Variants in SLC9C1 observed in about 807,000 individuals in gnomAD.
SLC9C1 encodes the protein solute carrier family 9 member C1.
Under a neutral mutation model 140.9 loss-of-function variants are expected in SLC9C1, and 97 were observed. That is an observed-to-expected ratio of 0.69 (90% CI 0.58 to 0.82). SLC9C1 has a LOEUF of 0.82. Ranked by LOEUF, SLC9C1 falls within the 40% of genes least tolerant of loss-of-function variation. The pLI is 0.00. For missense variants in SLC9C1, 1,340 were observed against 1,389.3 expected, an observed-to-expected ratio of 0.96 and a Z score of 0.56; for synonymous variants, 440 against 442.6, an observed-to-expected ratio of 0.99 and a Z score of 0.07.
intron 2 of SLC9C1, among the ~76,000 whole-genome samples, chr3:112,283,387 G>T (rs2080411432): frequency 1.3e-5 from 2 of 151,718 alleles, no homozygotes; most frequent in Admixed American, 6.6e-5. Flanking sequence ...GGAGGCTGAG[G>T]TGGGAGGATC....
In SLC9C1 at chr3:112,266,307, A is replaced by G. The variant is rs1254027284; in HGVS notation, c.809T>C (p.Leu270Pro). The change falls in exon 8 of 29, where the codon CTG becomes CCG. Residue 270 changes from leucine to proline, a missense_variant. Physicochemically the swap from Leu to Pro is moderately conservative, Grantham distance 98. Coordinates refer to ENST00000305815, the MANE Select transcript of SLC9C1 (RefSeq NM_183061.3). ...ELVGMSGIFT[L>P]AIVGLLLNST... is the part of the protein sequence containing the mutation. ...ATTTAAAAGAAGTCCCACAATGGCCAGAGTAAATATTCCTGACATTCCAAC... is the reference window on the plus strand; with the variant it reads ...ATTTAAAAGAAGTCCCACAATGGCCGGAGTAAATATTCCTGACATTCCAAC... 6 of 1,610,370 alleles carry G rather than the reference A, an allele frequency of 3.7e-6. No homozygotes were observed. Among genetic ancestry groups the G allele is most frequent in the Non-Finnish European group, 5.1e-6 (6 of 1,178,758 alleles).
At chr3:112,283,843 C>CAAAAAAAAA (rs386397631) in intron 2 of SLC9C1, among the ~76,000 whole-genome samples, 2 of 111,934 alleles carry the variant, frequency 1.8e-5, no homozygotes, top group Non-Finnish European at 3.6e-5. Flanking sequence ...AATCACTGTG[C>CAAAAAAAAA]AAAAAAAAAA....
Position 112,202,413 on chromosome 3 carries a change from G to T in SLC9C1, c.2173-14C>A, listed in dbSNP as rs760666901. The T allele has an allele frequency of 3.2e-6, 5 of 1,568,602 alleles. No individual in the cohort carries two copies. The South Asian group carries it at 6.1e-5, about 19-fold the overall frequency. On this transcript the variant is annotated splice_polypyrimidine_tract_variant and intron_variant, in intron 17 of 28. Coordinates refer to ENST00000305815, the MANE Select transcript of SLC9C1 (RefSeq NM_183061.3). Reference sequence around the variant, plus strand: ...TGGTGCTATGAGCTGAATTAAACAGGACTTCCATTAATATAAATTGCACAA... The same window carrying T: ...TGGTGCTATGAGCTGAATTAAACAGTACTTCCATTAATATAAATTGCACAA...
chr3:112,231,256 G>A, intron 13 of SLC9C1, 105 bp downstream of exon 13: 1 of 1,371,664 alleles, frequency 7.3e-7, no homozygotes. Context: ...CTTTGCCTTT[G>A]TAAACAATCT....
At chr3:112,176,794 A>G (rs1048803577) in intron 23 of SLC9C1, among the ~76,000 whole-genome samples, 1 of 152,124 alleles carries the variant, frequency 6.6e-6, no homozygotes, top group African/African-American at 2.4e-5. Flanking sequence ...ACTTGTCTCC[A>G]AACTCTGTCT....
intron 10 of SLC9C1, among the ~76,000 whole-genome samples, chr3:112,260,972 AG>A (rs1267123598): frequency 1.3e-5 from 2 of 152,050 alleles, no homozygotes; most frequent in African/African-American, 2.4e-5. Context: ...CCCAAATTCT[AG>A]CTACTTAAGT....
chr3:112,183,325 C>T (rs1287711802), intron 20 of SLC9C1, among the ~76,000 whole-genome samples: 10 of 118,262 alleles, frequency 8.5e-5, no homozygotes, highest in Non-Finnish European at 1.7e-4. Flanking sequence ...ATCAAGCTTA[C>T]GACAATGATA....
In SLC9C1 at chr3:112,179,711, A is replaced by T. The variant is rs751548080; in HGVS notation, c.2749-10T>A. 1.8e-5 allele frequency: 29 copies of T among 1,571,300 alleles called. No homozygotes were observed. Among genetic ancestry groups the T allele is most frequent in the Non-Finnish European group, 2.4e-5 (28 of 1,166,132 alleles). ...GCTTTGATTTTTCAAGCTGTTCAGG[A>T]ACAAAGAAAGAGAAAAATACATATG... On this transcript the variant is annotated splice_polypyrimidine_tract_variant and intron_variant, in intron 22 of 28. Transcript: ENST00000305815.
At chr3:112,252,467 T>A (rs2079489198) in intron 10 of SLC9C1, among the ~76,000 whole-genome samples, 1 of 151,892 alleles carries the variant, frequency 6.6e-6, no homozygotes, top group Non-Finnish European at 1.5e-5. Flanking sequence ...CTTTGGAGAG[T>A]GTGAAGCAAC....
At chr3:112,147,013 G>C (rs575094265) in intron 28 of SLC9C1, among the ~76,000 whole-genome samples, 32 of 152,132 alleles carry the variant, frequency 2.1e-4, no homozygotes, top group Non-Finnish European at 3.1e-4. Flanking sequence ...GGATGATTAA[G>C]TCTTCTTTTT....
At chr3:112,197,913 C>A (rs1036643555) in intron 20 of SLC9C1, among the ~76,000 whole-genome samples, 1 of 152,062 alleles carries the variant, frequency 6.6e-6, no homozygotes, top group Non-Finnish European at 1.5e-5. Flanking sequence ...TACTGCCTGT[C>A]GGCCTGCTCC....
rs1219083937 is a variant in SLC9C1, at chr3:112,158,948, TA to T, written c.3365-3900del. 5.9e-3 allele frequency among the ~76,000 whole-genome samples: 890 copies of T among 151,624 alleles called. 7 individuals carry two copies. The highest frequency in any genetic ancestry group is 0.019 in the African/African-American group (790 of 41,466). Reference sequence around the variant, plus strand: ...ATAAGGTTTTGTTAATTATCTTTTTTAAAAAAAAATATTTTTGCCAACTTTT... The same window carrying T: ...ATAAGGTTTTGTTAATTATCTTTTTTAAAAAAAATATTTTTGCCAACTTTT... On this transcript the variant is annotated intron_variant, in intron 26 of 28. Transcript: ENST00000305815.
At chr3:112,280,342 A>G (rs2080323388) in intron 3 of SLC9C1, among the ~76,000 whole-genome samples, 1 of 152,244 alleles carries the variant, frequency 6.6e-6, no homozygotes, top group African/African-American at 2.4e-5. Flanking sequence ...TACCAGCAGT[A>G]CAAAGTCTCC....
At chr3:112,181,747 T>C (rs1376021373) in intron 21 of SLC9C1, among the ~76,000 whole-genome samples, 1 of 151,040 alleles carries the variant, frequency 6.6e-6, no homozygotes, top group Non-Finnish European at 1.5e-5. Context: ...AGTACTCTGG[T>C]GGGGATGTTT....
rs946670327 is a variant in SLC9C1 at position 112,259,610 on chromosome 3, A to G, written c.1197+3314T>C. 7.2e-5 allele frequency among the ~76,000 whole-genome samples: 11 copies of G among 151,974 alleles called. 1 individual carries two copies. The East Asian group carries it at 1.4e-3, about 19-fold the overall frequency. ...GGACACAAGGAAGAAAACAACAGAC[A>G]CTGGGCTTACTTGAGGGTGGAGGTT... is the stretch of plus-strand genomic sequence containing the variant. On this transcript the variant is annotated intron_variant, in intron 10 of 28. Transcript: ENST00000305815.
intron 9 of SLC9C1, among the ~76,000 whole-genome samples, chr3:112,263,457 TTC>T (rs2079831812): frequency 6.6e-6 from 1 of 151,918 alleles, no homozygotes; most frequent in African/African-American, 2.4e-5. Context: ...TGAGAAAATG[TTC>T]TCTGTTTCTT....
chr3:112,243,219 T>A (rs193244109), intron 11 of SLC9C1, among the ~76,000 whole-genome samples: 18 of 152,312 alleles, frequency 1.2e-4, no homozygotes, highest in Admixed American at 3.9e-4. Flanking sequence ...CACTTGTATG[T>A]TCATCACAGC....
chr3:112,179,155 G>T (rs1046749877), intron 23 of SLC9C1, among the ~76,000 whole-genome samples: 1 of 152,142 alleles, frequency 6.6e-6, no homozygotes, highest in Admixed American at 6.6e-5. Context: ...TCAATCATGT[G>T]TAGGGAAACT....
chr3:112,202,698 C>T lies in SLC9C1; in HGVS notation c.2173-299G>A, dbSNP rs192019274. Reference sequence around the variant, plus strand: ...TCAACTGGTTTCAATTCTTGGAAAACAATGCAATTAATCTTCTGTGCTTAG... The same window carrying T: ...TCAACTGGTTTCAATTCTTGGAAAATAATGCAATTAATCTTCTGTGCTTAG... On this transcript the variant is annotated intron_variant, in intron 17 of 28. Coordinates refer to ENST00000305815, the MANE Select transcript of SLC9C1 (RefSeq NM_183061.3). Among the ~76,000 whole-genome samples the T allele has an allele frequency of 1.5e-3, 222 of 152,100 alleles. 2 individuals are homozygous for T. The highest frequency in any genetic ancestry group is 5.2e-3 in the African/African-American group (215 of 41,498).
Sources: allele counts gnomAD v4.1 joint callset (sites outside exome capture counted in the v4.1 genomes callset), GRCh38; gene constraint gnomAD v4.1.1; transcripts MANE v1.5; gene names NCBI Gene and HGNC (gene_info 2026-07-23, HGNC 2026-07-21).